MYLK: variants seen among roughly 807,000 people sequenced by gnomAD.
MYLK encodes the protein myosin light chain kinase, smooth muscle.
A neutral mutation model predicts 203.4 loss-of-function variants in MYLK; 106 were observed. That is an observed-to-expected ratio of 0.52 (90% CI 0.45 to 0.61). The LOEUF (loss-of-function observed/expected upper bound fraction) is 0.61. Among genes scored for constraint, MYLK ranks in the 20% least tolerant of loss-of-function variants. The pLI is 0.00. For synonymous variants in MYLK, 867 were observed against 959.5 expected (o/e 0.90, Z 1.78); for missense variants, 2,072 against 2,442.3 (o/e 0.85, Z 3.20).
chr3:123,845,543 T>C (rs867286162), intron 2 of MYLK, among the ~76,000 whole-genome samples: 5 of 152,182 alleles, frequency 3.3e-5, no homozygotes, highest in Non-Finnish European at 4.4e-5. Context: ...CAGGTTGGAG[T>C]GCAGTGGTGC....
At chr3:123,684,484 C>T (rs2060379914) in intron 19 of MYLK, among the ~76,000 whole-genome samples, 1 of 152,172 alleles carries the variant, frequency 6.6e-6, no homozygotes. Flanking sequence ...TCCTTGAAGA[C>T]CAGCATTTCT....
intron 4 of MYLK, among the ~76,000 whole-genome samples, chr3:123,777,854 G>C (rs1184819467): frequency 6.6e-6 from 1 of 152,172 alleles, no homozygotes; most frequent in African/African-American, 2.4e-5. Context: ...GATCTCCAGA[G>C]TTCCCACTAG....
chr3:123,792,135 A>G (rs994858741), intron 4 of MYLK, among the ~76,000 whole-genome samples: 1 of 152,208 alleles, frequency 6.6e-6, no homozygotes, highest in Admixed American at 6.5e-5. Flanking sequence ...CATGACACCA[A>G]GGTCAGCAAA....
At chr3:123,688,138 C>T (rs1040817529) in intron 19 of MYLK, among the ~76,000 whole-genome samples, 19 of 152,112 alleles carry the variant, frequency 1.2e-4, no homozygotes, top group African/African-American at 4.1e-4. Context: ...TTATAGCCAC[C>T]TCTGTACTCT....
chr3:123,881,143 G>C (rs1301155544), intron 1 of MYLK, among the ~76,000 whole-genome samples: 4 of 152,174 alleles, frequency 2.6e-5, no homozygotes, highest in Non-Finnish European at 5.9e-5. Context: ...TGTAAGGTAG[G>C]AGGCTGGGGG....
chr3:123,701,833 G>A (rs1023153556), intron 16 of MYLK, among the ~76,000 whole-genome samples: 3 of 152,198 alleles, frequency 2.0e-5, no homozygotes, highest in Non-Finnish European at 4.4e-5. Context: ...CCAATAAAAG[G>A]GGAAGGAGAA....
chr3:123,844,280 ACTTT>A (rs1157275575), intron 2 of MYLK, among the ~76,000 whole-genome samples: 1 of 152,096 alleles, frequency 6.6e-6, no homozygotes, highest in Non-Finnish European at 1.5e-5. Context: ...AACTTGTATA[ACTTT>A]CTTTTCCAGA....
intron 4 of MYLK, among the ~76,000 whole-genome samples, chr3:123,766,170 A>G (rs2063695311): frequency 6.6e-6 from 1 of 152,264 alleles, no homozygotes. Flanking sequence ...CTATATGTTT[A>G]TCCCTTTGCC....
At position 123,793,660 on chromosome 3, in the gene MYLK, C is replaced by G. The variant is rs781692342; in HGVS notation, c.165+17G>C. ...CCATCCTTCCCCACAGCCTCCCCATCCAGCCACACTTCTTACCCGCCCTTC... is the reference window on the plus strand; with the variant it reads ...CCATCCTTCCCCACAGCCTCCCCATGCAGCCACACTTCTTACCCGCCCTTC... On this transcript the variant is annotated intron_variant, in intron 4 of 33. Transcript: ENST00000360304. 1.5e-5 allele frequency: 24 copies of G among 1,613,952 alleles called. 1 individual carries two copies. In the South Asian group the frequency reaches 2.5e-4, roughly 17 times the overall value.
In MYLK at chr3:123,722,274, G is replaced by A. The variant is rs757770546; in HGVS notation, c.1658C>T (p.Pro553Leu). Reference sequence around the variant, plus strand: ...GCAGGTGGAGCGAGCGTACTGGATGGGCTGCCCTGTGGAGGAAGCACAGGA... The same window carrying A: ...GCAGGTGGAGCGAGCGTACTGGATGAGCTGCCCTGTGGAGGAAGCACAGGA... ...PRITWLLNGQ[P>L]IQYARSTCEA... The change falls in exon 13 of 34, where the codon CCC (proline) becomes CTC (leucine). Residue 553 changes from proline (P) to leucine (L), a missense_variant. This residue lies in a region of MYLK where 865 missense variants were observed against 1,016.0 expected (regional missense o/e 0.85). Transcript: ENST00000360304. The A allele has an allele frequency of 3.2e-6, 5 of 1,567,514 alleles. No individual in the cohort carries two copies. In the East Asian group the frequency reaches 9.5e-5, roughly 30 times the overall value.
At chr3:123,752,581 G>A in intron 4 of MYLK, 43 bp from the exon 5 acceptor site, 2 of 1,554,958 alleles carry the variant, frequency 1.3e-6, no homozygotes, top group Non-Finnish European at 1.7e-6. Flanking sequence ...TATTTCATGA[G>A]TACTCTCTCT....
chr3:123,640,767 G>T lies in MYLK; in HGVS notation c.4620-263C>A, dbSNP rs2058805538. ...ATCTACACTAGGCAGTTTCAGAGGTGGGTGTGAACACAGAGATCCAGACAT... is the reference window on the plus strand; with the variant it reads ...ATCTACACTAGGCAGTTTCAGAGGTTGGTGTGAACACAGAGATCCAGACAT... On this transcript the variant is annotated intron_variant, in intron 27 of 33. Transcript: ENST00000360304. This position sits in a 1 kb window ranked among gnomAD's most constrained non-coding sequence, Gnocchi z 4.3. Among the ~76,000 whole-genome samples, 1 of 152,154 alleles carries T rather than the reference G, an allele frequency of 6.6e-6. No individual in the cohort carries two copies. The highest frequency in any genetic ancestry group is 1.9e-4 in the East Asian group (1 of 5,186).
intron 2 of MYLK, among the ~76,000 whole-genome samples, chr3:123,848,461 G>T (rs565978051): frequency 2.6e-5 from 4 of 151,048 alleles, no homozygotes; most frequent in Non-Finnish European, 2.9e-5. Context: ...CCCTTGTTCC[G>T]TACTAACATA....
At chr3:123,701,346 C>T (rs1576629324) in intron 17 of MYLK, 92 bp downstream of exon 17, 1 of 1,340,174 alleles carries the variant, frequency 7.5e-7, no homozygotes, top group Non-Finnish European at 1.1e-6. Flanking sequence ...AGGACACAAA[C>T]AATCTAGGGC....
intron 2 of MYLK, among the ~76,000 whole-genome samples, chr3:123,866,659 G>A (rs1325372150): frequency 6.6e-6 from 1 of 152,088 alleles, no homozygotes; most frequent in Non-Finnish European, 1.5e-5. Flanking sequence ...ATAAAGTCTT[G>A]TTGGAAAGAC....
intron 2 of MYLK, among the ~76,000 whole-genome samples, chr3:123,873,040 C>G (rs979509681): frequency 1.3e-5 from 2 of 152,102 alleles, no homozygotes; most frequent in Non-Finnish European, 2.9e-5. Flanking sequence ...TATGAATAAC[C>G]AAAGACATTC....
Position 123,697,551 on chromosome 3 carries a change from C to T in MYLK, c.3448+2469G>A, listed in dbSNP as rs568784980. ...GTCATATAGCACGGTGGTCTAGGCA[C>T]GGGAACTCAGCCACCTGAGTTCAAA... is the stretch of plus-strand genomic sequence containing the variant. On this transcript the variant is annotated intron_variant, in intron 18 of 33. Transcript: ENST00000360304. Among the ~76,000 whole-genome samples, 36 of 152,238 alleles carry T rather than the reference C, an allele frequency of 2.4e-4. No homozygotes were observed. The South Asian group carries it at 5.4e-3, about 23-fold the overall frequency.
At chr3:123,643,768 T>C (rs2058917450) in intron 27 of MYLK, among the ~76,000 whole-genome samples, 1 of 152,264 alleles carries the variant, frequency 6.6e-6, no homozygotes, top group South Asian at 2.1e-4. Flanking sequence ...CTAGCTCTCA[T>C]AGGAAGCAAG....
intron 32 of MYLK, among the ~76,000 whole-genome samples, chr3:123,619,629 C>T (rs1024665609): frequency 3.3e-5 from 5 of 152,146 alleles, no homozygotes; most frequent in Non-Finnish European, 5.9e-5. Context: ...AGGAGATGGA[C>T]GGGACAGCAT....
Sources: allele counts gnomAD v4.1 joint callset (sites outside exome capture counted in the v4.1 genomes callset), GRCh38; gene constraint gnomAD v4.1.1; regional missense constraint gnomAD v4.1.1; non-coding constraint Gnocchi (gnomAD v3.1); transcripts MANE v1.5; gene names NCBI Gene and HGNC (gene_info 2026-07-23, HGNC 2026-07-21).